TMEM144: variants seen among roughly 807,000 people sequenced by gnomAD.
TMEM144 encodes transmembrane protein 144.
Under a neutral mutation model 43.6 loss-of-function variants are expected in TMEM144, and 39 were observed. The ratio of observed to expected loss-of-function variants is 0.90; its 90% CI spans 0.69 to 1.17. The LOEUF (loss-of-function observed/expected upper bound fraction) is 1.17, where lower values mean the gene tolerates loss of function less well. Among genes scored for constraint, TMEM144 ranks in the 50% most tolerant of loss-of-function variants. The probability of loss-of-function intolerance (pLI) is 0.00; values close to 1 mark genes in which losing one functional copy is unlikely to be tolerated. For missense variants in TMEM144, 417 were observed against 411.9 expected (o/e 1.01, Z -0.11); for synonymous variants, 154 against 133.6 (o/e 1.15, Z -1.06).
chr4:158,215,080 T>C, intron 3 of TMEM144, 111 bp from the exon 4 acceptor site: 1 of 1,337,574 alleles, frequency 7.5e-7, no homozygotes. Flanking sequence ...CCATGGCATA[T>C]GGCATTTAAT....
chr4:158,253,598 T>G lies in TMEM144; in HGVS notation c.*71T>G. ...CTATCGGACAGCGGAGAGATCATGC[T>G]GAGAAAAGAGTGCATTTTCATATAG... is the stretch of plus-strand genomic sequence containing the variant. On this transcript the variant is annotated 3_prime_UTR_variant, in exon 13 of 13. Coordinates refer to ENST00000296529, the MANE Select transcript of TMEM144 (RefSeq NM_018342.5). The G allele has an allele frequency of 1.5e-6, 2 of 1,314,606 alleles. No homozygotes were observed. The highest frequency in any genetic ancestry group is 2.2e-6 in the Non-Finnish European group (2 of 925,024). 81.4% of individuals were successfully genotyped at this position (1,314,606 alleles called of 1,614,324 possible).
intron 6 of TMEM144, among the ~76,000 whole-genome samples, chr4:158,223,613 C>A (rs2111113935): frequency 6.6e-6 from 1 of 152,246 alleles, no homozygotes; most frequent in Admixed American, 6.5e-5. Context: ...CTCCCTGTGT[C>A]CACGTATTCT....
At chr4:158,243,508 A>C (rs1735725470) in intron 11 of TMEM144, among the ~76,000 whole-genome samples, 2 of 152,280 alleles carry the variant, frequency 1.3e-5, no homozygotes, top group African/African-American at 2.4e-5. Flanking sequence ...AAAAATGCTG[A>C]TACAATACAC....
At chr4:158,218,133 A>C (rs997133579) in intron 5 of TMEM144, among the ~76,000 whole-genome samples, 8 of 152,284 alleles carry the variant, frequency 5.3e-5, no homozygotes, top group Admixed American at 2.6e-4. Context: ...ACAGGAGGCC[A>C]TTTATATTTA....
At chr4:158,247,321 C>T (rs1735940841) in intron 12 of TMEM144, among the ~76,000 whole-genome samples, 1 of 151,778 alleles carries the variant, frequency 6.6e-6, no homozygotes, top group African/African-American at 2.4e-5. Flanking sequence ...TTTCTCCATA[C>T]TATTATACGA....
At position 158,240,377 on chromosome 4, in the gene TMEM144, T is replaced by A. The variant is rs1735571448; in HGVS notation, c.761T>A (p.Met254Lys). 1 of 1,613,818 alleles carries A rather than the reference T, an allele frequency of 6.2e-7. No individual in the cohort carries two copies. Among genetic ancestry groups the A allele is most frequent in the Admixed American group, 1.7e-5 (1 of 59,972 alleles). Residue 254 changes from methionine to lysine, a missense_variant, in exon 10 of 13, where the codon ATG becomes AAG. Met to Lys is a moderately conservative substitution (Grantham distance 95). Coordinates refer to ENST00000296529, the MANE Select transcript of TMEM144 (RefSeq NM_018342.5). ...TACTTTCTGGCCTACTGCATAGCCA[T>A]GAAAAATAGTCCTAAACTATATCCT... ...TVYFLAYCIA[M>K]KNSPKLYPEA...
intron 4 of TMEM144, among the ~76,000 whole-genome samples, chr4:158,216,369 T>C (rs1465774951): frequency 6.6e-6 from 1 of 152,146 alleles, no homozygotes; most frequent in African/African-American, 2.4e-5. Context: ...GATTTGATTA[T>C]AGGTGATTAG....
At chr4:158,220,062 C>T (rs1734435859) in intron 6 of TMEM144, among the ~76,000 whole-genome samples, 1 of 152,178 alleles carries the variant, frequency 6.6e-6, no homozygotes, top group Non-Finnish European at 1.5e-5. Context: ...CATTTATATT[C>T]CCTGTCAGTT....
rs150559910 is a variant in TMEM144, at chr4:158,215,199, C to A, written c.118C>A (p.Leu40Ile). Residue 40 changes from leucine to isoleucine, a missense_variant, in exon 4 of 13, where the codon CTC becomes ATC. Coordinates refer to ENST00000296529, the MANE Select transcript of TMEM144 (RefSeq NM_018342.5). ...KKFDTGDGMF[L>I]QWVLCAAIWL... is the part of the protein sequence containing the mutation. The stretch of plus-strand genomic sequence containing the variant: ...AGTTTGTTTATTTCTAGGAATGTTT[C>A]TCCAGTGGGTTCTTTGTGCTGCCAT... 1.9e-6 allele frequency: 3 copies of A among 1,613,668 alleles called. No individual in the cohort carries two copies. The highest frequency in any genetic ancestry group is 2.5e-6 in the Non-Finnish European group (3 of 1,179,678).
chr4:158,246,107 A>G (rs913587169), intron 12 of TMEM144, among the ~76,000 whole-genome samples: 5 of 152,170 alleles, frequency 3.3e-5, no homozygotes, highest in Admixed American at 6.5e-5. Context: ...CTCCCTAACA[A>G]TTTAAAGATT....
chr4:158,220,938 T>C (rs1384131136), intron 6 of TMEM144, among the ~76,000 whole-genome samples: 3 of 152,230 alleles, frequency 2.0e-5, no homozygotes, highest in Non-Finnish European at 4.4e-5. Flanking sequence ...CATTTCATTA[T>C]TTTAACTCAG....
chr4:158,224,566 G>A lies in TMEM144; in HGVS notation c.413+5176G>A, dbSNP rs547999132. On this transcript the variant is annotated intron_variant, in intron 6 of 12. Coordinates refer to ENST00000296529, the MANE Select transcript of TMEM144 (RefSeq NM_018342.5). ...ACAAATAAGTTTTTTTAGAGTTCTC[G>A]TACACTTATAATAACCGTAAAATAA... 1.3e-3 allele frequency among the ~76,000 whole-genome samples: 204 copies of A among 152,170 alleles called. 1 individual carries two copies. Among genetic ancestry groups the A allele is most frequent in the Admixed American group, 4.1e-3 (62 of 15,298 alleles).
chr4:158,241,371 A>T (rs1384364610), intron 10 of TMEM144, 138 bp from the exon 11 acceptor site: 3 of 682,052 alleles, frequency 4.4e-6, no homozygotes, highest in Non-Finnish European at 7.7e-6. Context: ...AATAAAACAC[A>T]GCTCAAAATT....
At chr4:158,239,525 T>C (rs934999728) in intron 9 of TMEM144, among the ~76,000 whole-genome samples, 4 of 152,238 alleles carry the variant, frequency 2.6e-5, no homozygotes, top group Non-Finnish European at 5.9e-5. Flanking sequence ...CAGCCTTCTG[T>C]ACAGCTGTCA....
chr4:158,239,622 T>C (rs1735524069), intron 9 of TMEM144, among the ~76,000 whole-genome samples: 1 of 152,198 alleles, frequency 6.6e-6, no homozygotes, highest in Non-Finnish European at 1.5e-5. Flanking sequence ...ATTCTCACTG[T>C]GGTCAACCTG....
chr4:158,236,251 C>T (rs764517208), intron 8 of TMEM144, among the ~76,000 whole-genome samples: 8 of 151,210 alleles, frequency 5.3e-5, no homozygotes, highest in Non-Finnish European at 1.0e-4. Context: ...ATAGTAGATA[C>T]TCAATAAATA....
chr4:158,238,766 CAACT>C (rs1168864727), intron 9 of TMEM144, among the ~76,000 whole-genome samples: 1 of 152,074 alleles, frequency 6.6e-6, no homozygotes, highest in Non-Finnish European at 1.5e-5. Flanking sequence ...AAGATAAAAA[CAACT>C]AATTGTTCAG....
In TMEM144 at chr4:158,254,028, A is replaced by ATGCT. The variant is rs1736349563; in HGVS notation, c.*501_*502insTGCT. 1 of 152,338 alleles carries ATGCT rather than the reference A, an allele frequency of 6.6e-6. No individual in the cohort carries two copies. The highest frequency in any genetic ancestry group is 1.5e-5 in the Non-Finnish European group (1 of 68,132). 9.4% of individuals were successfully genotyped at this position (152,338 alleles called of 1,614,324 possible). Reference sequence around the variant, plus strand: ...TAAAGTAAATGCATAGTTGGTAACTAAATGTTAAAAAGGCCATTTTATTAT... The same window carrying ATGCT: ...TAAAGTAAATGCATAGTTGGTAACTATGCTAATGTTAAAAAGGCCATTTTATTAT... On this transcript the variant is annotated 3_prime_UTR_variant, in exon 13 of 13. Transcript: ENST00000296529.
intron 11 of TMEM144, among the ~76,000 whole-genome samples, chr4:158,242,330 T>C (rs1361558638): frequency 3.3e-5 from 5 of 152,216 alleles, no homozygotes; most frequent in Non-Finnish European, 5.9e-5. Flanking sequence ...TGCTTGGTTT[T>C]ATTTTAGTCA....
Sources: gnomAD v4.1 joint callset for allele counts (sites outside exome capture counted in the v4.1 genomes callset) on GRCh38, gnomAD v4.1.1 for gene constraint, MANE v1.5 for transcripts, NCBI Gene and HGNC (gene_info 2026-07-23, HGNC 2026-07-21) for gene names.